The following COL4A5 variants were observed in gnomAD, a reference collection of about 807,000 sequenced individuals.
The protein encoded by COL4A5 is collagen type IV alpha 5 chain, also known as collagen alpha-5(IV) chain.
In COL4A5, 26 loss-of-function variants were observed where a neutral mutation model predicts 130.2. The ratio of observed to expected loss-of-function variants is 0.20; its 90% confidence interval spans 0.15 to 0.28. The LOEUF (loss-of-function observed/expected upper bound fraction) is 0.28, where lower values mean the gene tolerates loss of function less well. Among genes scored for constraint, COL4A5 ranks in the 10% least tolerant of loss-of-function variants. The probability of loss-of-function intolerance (pLI) is 1.00; values close to 1 mark genes in which losing one functional copy is unlikely to be tolerated. For missense variants in COL4A5, 1,131 were observed against 1,344.3 expected (o/e 0.84, Z 2.48); for synonymous variants, 496 against 439.6 (o/e 1.13, Z -1.60).
chrX:108,581,224 ATATT>A (rs1392602767), intron 16 of COL4A5, among the ~76,000 whole-genome samples, 197 bp downstream of exon 16: 2 of 111,733 alleles, frequency 1.8e-5, no homozygotes, highest in African/African-American at 3.3e-5. Flanking sequence ...GTAGGTGTAT[ATATT>A]TATTTATGAG....
chrX:108,549,507 A>G (rs2065717473), intron 2 of COL4A5, among the ~76,000 whole-genome samples: 1 of 112,150 alleles, frequency 8.9e-6, no homozygotes, highest in South Asian at 3.6e-4. Flanking sequence ...TGCTGGACCA[A>G]GGAATAAATC....
At chrX:108,637,609 A>ATTAC (rs2067380671) in intron 36 of COL4A5, among the ~76,000 whole-genome samples, 1 of 111,952 alleles carries the variant, frequency 8.9e-6, no homozygotes, top group Non-Finnish European at 1.9e-5. Context: ...AAGAGGAGAC[A>ATTAC]TTACTACCAA....
At chrX:108,507,251 A>G (rs1361559485) in intron 1 of COL4A5, among the ~76,000 whole-genome samples, 1 of 106,628 alleles carries the variant, frequency 9.4e-6, no homozygotes, top group Non-Finnish European at 1.9e-5. Flanking sequence ...CAACAACAAA[A>G]AAAAAAAAAA....
chrX:108,580,961 A>ATCATTTC, intron 15 of COL4A5, 22 bp from the exon 16 acceptor site: 1 of 1,197,167 alleles, frequency 8.4e-7, no homozygotes, highest in Non-Finnish European at 1.1e-6. Flanking sequence ...TTGTTGCCCT[A>ATCATTTC]TCATTTCTTT....
chrX:108,546,034 C>T (rs1603271221), intron 2 of COL4A5, among the ~76,000 whole-genome samples: 2 of 112,031 alleles, frequency 1.8e-5, no homozygotes, highest in Middle Eastern at 9.2e-3. Flanking sequence ...CTGAATACAG[C>T]ACCCTGGTGG....
intron 2 of COL4A5, among the ~76,000 whole-genome samples, chrX:108,541,887 C>T (rs1315003042): frequency 1.8e-5 from 2 of 111,596 alleles, no homozygotes; most frequent in African/African-American, 6.5e-5. Context: ...TCCAGAATCT[C>T]TCCATATTAC....
intron 37 of COL4A5, among the ~76,000 whole-genome samples, chrX:108,659,829 C>T (rs188486777): frequency 2.0e-4 from 22 of 110,718 alleles, no homozygotes; most frequent in African/African-American, 6.5e-4. Flanking sequence ...TGCTTCTTTT[C>T]GAGTCCAACA....
At chrX:108,657,240 A>AT (rs111254246) in intron 37 of COL4A5, among the ~76,000 whole-genome samples, 63 of 107,311 alleles carry the variant, frequency 5.9e-4, no homozygotes, top group African/African-American at 1.2e-3. Context: ...TCCCTACACT[A>AT]TTTTTTTTTT....
intron 1 of COL4A5, among the ~76,000 whole-genome samples, chrX:108,469,196 A>T (rs1603249590): frequency 5.0e-5 from 3 of 60,183 alleles, no homozygotes; most frequent in Non-Finnish European, 6.3e-5. Context: ...TTGAAACGGG[A>T]TCTTGCTCTG....
At chrX:108,652,103 C>G (rs765293938) in intron 36 of COL4A5, among the ~76,000 whole-genome samples, 14 of 111,319 alleles carry the variant, frequency 1.3e-4, no homozygotes, top group Non-Finnish European at 2.1e-4. Context: ...ACCACAACCC[C>G]CCGACACAAG....
chrX:108,601,327 A>T (rs1430147067), intron 25 of COL4A5, 66 bp from the exon 26 acceptor site: 1 of 737,613 alleles, frequency 1.4e-6, no homozygotes, highest in Admixed American at 3.0e-5. Flanking sequence ...TTTTGTTTTT[A>T]ATTAAAAAGA....
chrX:108,590,507 C>A (rs28644337), intron 19 of COL4A5, among the ~76,000 whole-genome samples: 11,699 of 111,159 alleles, frequency 0.11, 1,307 homozygotes, highest in African/African-American at 0.34. Flanking sequence ...TAATCTTTAA[C>A]TTCAAATTAA....
At chrX:108,446,272 C>T (rs2064451136) in intron 1 of COL4A5, among the ~76,000 whole-genome samples, 1 of 111,905 alleles carries the variant, frequency 8.9e-6, no homozygotes. Context: ...AGTTTTAAAA[C>T]GTTATTTTAA....
In COL4A5 at chrX:108,516,392, T is replaced by C. The variant is rs564405399; in HGVS notation, c.82-23354T>C. ...TACTGTGGTCTTTTTGTTTGCTTCT[T>C]TTATCTGTGATGTTAGTACTTTTCC... On this transcript the variant is annotated intron_variant, in intron 1 of 52. Transcript: ENST00000328300. Among the ~76,000 whole-genome samples, 13 of 112,177 alleles carry C rather than the reference T, an allele frequency of 1.2e-4. No individual in the cohort carries two copies. The South Asian group carries it at 4.8e-3, about 41-fold the overall frequency.
intron 23 of COL4A5, 76 bp downstream of exon 23, chrX:108,597,144 A>G: frequency 1.1e-6 from 1 of 880,421 alleles, no homozygotes; most frequent in Non-Finnish European, 1.6e-6. Flanking sequence ...AATTATTCAT[A>G]TATATACACA....
At chrX:108,486,836 T>C (rs1468598254) in intron 1 of COL4A5, among the ~76,000 whole-genome samples, 2 of 112,295 alleles carry the variant, frequency 1.8e-5, no homozygotes, top group African/African-American at 6.5e-5. Context: ...TTGATGGGTA[T>C]TTGGGCTGGT....
chrX:108,681,669 C>T, intron 46 of COL4A5, 91 bp from the exon 47 acceptor site: 2 of 1,129,099 alleles, frequency 1.8e-6, no homozygotes, highest in South Asian at 3.7e-5. Context: ...GTTTCTCTCA[C>T]ACCAATTTTT....
At chrX:108,497,162 T>C (rs2065042301) in intron 1 of COL4A5, among the ~76,000 whole-genome samples, 1 of 112,044 alleles carries the variant, frequency 8.9e-6, no homozygotes, top group African/African-American at 3.2e-5. Flanking sequence ...AGCAGAATGT[T>C]TACAAGGTTC....
intron 1 of COL4A5, among the ~76,000 whole-genome samples, chrX:108,478,994 C>T (rs2064863010): frequency 8.9e-6 from 1 of 112,022 alleles, no homozygotes; most frequent in African/African-American, 3.2e-5. Context: ...AGGCTGTAGC[C>T]AGGTCAGCAT....
Sources: allele counts gnomAD v4.1 joint callset (sites outside exome capture counted in the v4.1 genomes callset), GRCh38; gene constraint gnomAD v4.1.1; transcripts MANE v1.5; gene names NCBI Gene and HGNC (gene_info 2026-07-23, HGNC 2026-07-21).